The following NDRG4 variants were observed in gnomAD, a reference collection of about 807,000 sequenced individuals.
NDRG4 encodes protein NDRG4.
A neutral mutation model predicts 55.8 loss-of-function variants in NDRG4; 38 were observed. The observed-to-expected ratio is 0.68, with a 90% CI of 0.53 to 0.89. The LOEUF (loss-of-function observed/expected upper bound fraction) is 0.89, where lower values mean the gene tolerates loss of function less well. Among genes scored for constraint, NDRG4 ranks in the 40% least tolerant of loss-of-function variants. The pLI is 0.00. For missense variants in NDRG4, 455 were observed against 468.6 expected, an observed-to-expected ratio of 0.97 and a Z score of 0.27; for synonymous variants, 190 against 182.7, an observed-to-expected ratio of 1.04 and a Z score of -0.32.
rs761399816 is a variant in NDRG4 at position 58,506,952 on chromosome 16, G to A, written c.557G>A (p.Arg186Gln). The A allele has an allele frequency of 1.9e-5, 31 of 1,613,996 alleles. No homozygotes were observed. Among genetic ancestry groups the A allele is most frequent in the South Asian group, 6.6e-5 (6 of 91,076 alleles). ...AACACAGAGTTGGTGCAGAGCTACC[G>A]GCAGCAGATTGGGAACGTGGTGAAC... Reference protein sequence around the residue: ...VNNTELVQSYRQQIGNVVNQA... With the variant: ...VNNTELVQSYQQQIGNVVNQA... Residue 186 changes from arginine to glutamine, a missense_variant, in exon 8 of 15, where the codon CGG becomes CAG. Transcript: ENST00000570248.
At chr16:58,485,595 C>T (rs979455751) in intron 1 of NDRG4, among the ~76,000 whole-genome samples, 13 of 152,134 alleles carry the variant, frequency 8.5e-5, no homozygotes, top group African/African-American at 2.9e-4. Flanking sequence ...TTCAGCTCTC[C>T]CAGCCCCCAC....
upstream of NDRG4, among the ~76,000 whole-genome samples, chr16:58,497,575 T>C (rs1235412554): frequency 6.6e-6 from 1 of 152,220 alleles, no homozygotes; most frequent in Non-Finnish European, 1.5e-5. Context: ...TGTATTATCC[T>C]TGCAGCTGCC....
intron 2 of NDRG4, chr16:58,494,860 G>C: frequency 1.2e-6 from 1 of 842,880 alleles, no homozygotes; most frequent in South Asian, 1.7e-5. Context: ...AAAGAAAAGA[G>C]AAAAGACAGA....
intron 10 of NDRG4, 58 bp downstream of exon 10, chr16:58,508,057 G>GC (rs1483617516): frequency 1.4e-6 from 2 of 1,452,454 alleles, no homozygotes; most frequent in Non-Finnish European, 1.9e-6. Context: ...GGGCTCACTG[G>GC]CCCCTGCCCA....
In NDRG4 at chr16:58,505,813, C is replaced by T. The variant is rs533036102; in HGVS notation, c.373-574C>T. Among the ~76,000 whole-genome samples the T allele has an allele frequency of 6.3e-4, 93 of 147,014 alleles. 2 individuals carry two copies. The South Asian group carries it at 1.0e-2, about 16-fold the overall frequency. ...CTCGGCCCACTGCAACCTCCACCTC[C>T]CTGGTTCAAGCAATTCTCCTGCCTC... On this transcript the variant is annotated intron_variant, in intron 5 of 14. Transcript: ENST00000570248.
chr16:58,466,528 G>T (rs1199571914), intron 1 of NDRG4, among the ~76,000 whole-genome samples: 1 of 152,200 alleles, frequency 6.6e-6, no homozygotes, highest in East Asian at 1.9e-4. Context: ...CCACCAGATG[G>T]GGTCACCAGA....
chr16:58,505,211 T>C (rs975688420), intron 5 of NDRG4, among the ~76,000 whole-genome samples: 6 of 151,562 alleles, frequency 4.0e-5, no homozygotes, highest in Non-Finnish European at 8.9e-5. Flanking sequence ...TAGCCGGGCG[T>C]AGTGGCGGGC....
chr16:58,469,402 T>G (rs1597039902), intron 1 of NDRG4, among the ~76,000 whole-genome samples: 1 of 152,106 alleles, frequency 6.6e-6, no homozygotes, highest in East Asian at 1.9e-4. Flanking sequence ...GAGAGGGGCG[T>G]GCTGTTCCTC....
chr16:58,466,610 C>A (rs1420908550), intron 1 of NDRG4, among the ~76,000 whole-genome samples: 1 of 152,218 alleles, frequency 6.6e-6, no homozygotes, highest in East Asian at 1.9e-4. Flanking sequence ...CAGTCACAGG[C>A]TCCGCCCCCA....
At chr16:58,465,019 C>G in intron 1 of NDRG4, 2 of 1,242,706 alleles carry the variant, frequency 1.6e-6, no homozygotes, top group Non-Finnish European at 2.1e-6. Flanking sequence ...GCTGGAAACT[C>G]ACATCCAGGG....
At chr16:58,478,680 G>T (rs1597106336) in intron 1 of NDRG4, among the ~76,000 whole-genome samples, 1 of 110,788 alleles carries the variant, frequency 9.0e-6, no homozygotes, top group East Asian at 2.7e-4. Context: ...CTGTGTTTCT[G>T]TGCTTTTTTG....
At position 58,464,332 on chromosome 16, in the gene NDRG4, T is replaced by TGCCGCTCCGCTCCGGGTCTCCC. The variant is rs2031143466; in HGVS notation, c.-24+538_-24+559dup. On this transcript the variant is annotated intron_variant, in intron 1 of 15. Coordinates refer to the NDRG4 transcript ENST00000258187. This position sits in a 1 kb window ranked among gnomAD's most constrained non-coding sequence, Gnocchi z 4.8. ...CCTGCCGCTTCGCTCCGCGCTCTCC[T>TGCCGCTCCGCTCCGGGTCTCCC]GCCGCTCCGCTCCGGGTCTCCCGCG... The TGCCGCTCCGCTCCGGGTCTCCC allele has an allele frequency of 2.7e-6, 3 of 1,124,814 alleles. No homozygotes were observed. Among genetic ancestry groups the TGCCGCTCCGCTCCGGGTCTCCC allele is most frequent in the Admixed American group, 4.2e-5 (1 of 23,908 alleles). The allele number at this position is 1,124,814 out of a possible 1,614,324, so 69.7% of individuals were successfully genotyped here. A position where few individuals can be genotyped will look rare whatever the true frequency, so the allele number is the denominator to read the frequency against.
chr16:58,504,340 C>T lies in NDRG4; in HGVS notation c.249-19C>T, dbSNP rs2037563242. On this transcript the variant is annotated intron_variant, in intron 3 of 14. Coordinates refer to ENST00000570248, the MANE Select transcript of NDRG4 (RefSeq NM_001242835.2). ...ACCTGAGGCCACACCTGGGCCCTGACCTCCTGCTCTGCCTGCAGGTACCAG... is the reference window on the plus strand; with the variant it reads ...ACCTGAGGCCACACCTGGGCCCTGATCTCCTGCTCTGCCTGCAGGTACCAG... 4 of 1,613,778 alleles carry T rather than the reference C, an allele frequency of 2.5e-6. No individual in the cohort carries two copies. The highest frequency in any genetic ancestry group is 1.3e-5 in the African/African-American group (1 of 74,930).
chr16:58,484,864 T>TA (rs112858230), intron 1 of NDRG4, among the ~76,000 whole-genome samples: 5,077 of 149,710 alleles, frequency 0.034, 281 homozygotes, highest in African/African-American at 0.12. Context: ...CACAGCTTCT[T>TA]AAAAAAAATC....
At chr16:58,468,829 G>A (rs936020972) in intron 1 of NDRG4, among the ~76,000 whole-genome samples, 6 of 152,266 alleles carry the variant, frequency 3.9e-5, no homozygotes, top group African/African-American at 9.6e-5. Flanking sequence ...TGGTGCCTTC[G>A]GTAGCCGGAT....
intron 1 of NDRG4, among the ~76,000 whole-genome samples, chr16:58,478,715 T>C (rs1338140033): frequency 6.7e-6 from 1 of 148,640 alleles, no homozygotes; most frequent in Admixed American, 6.7e-5. Context: ...TTTTTGTAAT[T>C]TTTTTGTAAG....
intron 1 of NDRG4, chr16:58,502,292 G>A: frequency 6.0e-6 from 2 of 333,252 alleles, no homozygotes; most frequent in Non-Finnish European, 1.2e-5. Context: ...ATAGGCCTGG[G>A]ATGGGAGGGG....
chr16:58,496,255 A>G (rs555795848), upstream of NDRG4, among the ~76,000 whole-genome samples: 255 of 152,068 alleles, frequency 1.7e-3, no homozygotes, highest in African/African-American at 6.0e-3. Flanking sequence ...GCTGCTGCGA[A>G]GCTGCCTCTG....
Position 58,507,079 on chromosome 16 carries a change from C to T in NDRG4, c.620+64C>T, listed in dbSNP as rs189198263. ...CCAGTGGGGGCCCTTGCACACTGCC[C>T]CCTGAGGGAGGCAGGCAGACAACAC... On this transcript the variant is annotated intron_variant, in intron 8 of 14. Coordinates refer to ENST00000570248, the MANE Select transcript of NDRG4 (RefSeq NM_001242835.2). 291 of 1,283,174 alleles carry T rather than the reference C, an allele frequency of 2.3e-4. 1 individual carries two copies. In the East Asian group the frequency reaches 5.8e-3, roughly 25 times the overall value. The allele number at this position is 1,283,174 out of a possible 1,614,324, so 79.5% of individuals were successfully genotyped here.
Sources: gnomAD v4.1 joint callset for allele counts (sites outside exome capture counted in the v4.1 genomes callset) on GRCh38, gnomAD v4.1.1 for gene constraint, Gnocchi (gnomAD v3.1) non-coding constraint, MANE v1.5 for transcripts, NCBI Gene and HGNC (gene_info 2026-07-23, HGNC 2026-07-21) for gene names.